The following MICAL2 variants were observed in gnomAD, a reference collection of about 807,000 sequenced individuals.
The protein encoded by MICAL2 is [F-actin]-monooxygenase MICAL2.
Under a neutral mutation model 127.3 loss-of-function variants are expected in MICAL2, and 77 were observed. That is an observed-to-expected ratio of 0.60 (90% CI 0.50 to 0.73). The LOEUF is 0.73. MICAL2 is among the 30% of genes least tolerant of loss of function. MICAL2 has a pLI of 0.00. For synonymous variants in MICAL2, 570 were observed against 551.1 expected (o/e 1.03, Z -0.48); for missense variants, 1,351 against 1,434.4 (o/e 0.94, Z 0.94).
chr11:12,275,059 C>A (rs1049921860), upstream of MICAL2, among the ~76,000 whole-genome samples: 1 of 152,034 alleles, frequency 6.6e-6, no homozygotes, highest in African/African-American at 2.4e-5. Context: ...TGAAGGCAGA[C>A]CCACCAGGAT....
intron 2 of MICAL2, among the ~76,000 whole-genome samples, chr11:12,155,017 G>A (rs748902739): frequency 6.6e-6 from 1 of 152,160 alleles, no homozygotes; most frequent in Non-Finnish European, 1.5e-5. Flanking sequence ...TATCAAACAA[G>A]GGTGGTGAAA....
At chr11:12,222,573 G>A (rs772030720) in intron 10 of MICAL2, 44 bp from the exon 11 acceptor site, 2 of 1,613,354 alleles carry the variant, frequency 1.2e-6, no homozygotes, top group Non-Finnish European at 1.7e-6. Flanking sequence ...AAGGCCTGAG[G>A]TGGCAAAAGT....
At chr11:12,112,447 G>T (rs1382851833) in intron 1 of MICAL2, among the ~76,000 whole-genome samples, 3 of 151,760 alleles carry the variant, frequency 2.0e-5, no homozygotes, top group Non-Finnish European at 4.4e-5. Context: ...CATTGACCTG[G>T]CCTCACCTCT....
chr11:12,210,939 C>G (rs909202286), intron 6 of MICAL2, among the ~76,000 whole-genome samples: 2 of 152,206 alleles, frequency 1.3e-5, no homozygotes, highest in African/African-American at 4.8e-5. Flanking sequence ...GTGCGACAAC[C>G]AAATATGTCT....
At chr11:12,324,267 G>A (rs1469491514) in intron 31 of MICAL2, among the ~76,000 whole-genome samples, 2 of 152,264 alleles carry the variant, frequency 1.3e-5, no homozygotes, top group East Asian at 3.9e-4. Context: ...CTGGGTCCTG[G>A]AGAGCCCCCG....
intron 32 of MICAL2, among the ~76,000 whole-genome samples, chr11:12,333,583 A>C (rs1157042751): frequency 6.6e-6 from 1 of 152,196 alleles, no homozygotes. Context: ...AAAGAAAAAA[A>C]ATTTTGTTGT....
Position 12,220,230 on chromosome 11 carries a change from T to TC in MICAL2, c.978_979insC (p.Ala327ArgfsTer39), listed in dbSNP as rs1856659441. 1 of 1,614,040 alleles carries TC rather than the reference T, an allele frequency of 6.2e-7. No individual in the cohort carries two copies. Among genetic ancestry groups the TC allele is most frequent in the Non-Finnish European group, 8.5e-7 (1 of 1,180,040 alleles). ...ACATCGACACAGAGATGCTGCTGTG[T>TC]GCGGAGAACGTGAACCAAGACAACC... On this transcript the variant is annotated frameshift_variant, in exon 9 of 28. Transcript: ENST00000683283. LOFTEE classifies it high-confidence loss of function.
chr11:12,117,982 G>T (rs959388034), intron 1 of MICAL2, among the ~76,000 whole-genome samples: 1 of 152,200 alleles, frequency 6.6e-6, no homozygotes, highest in Non-Finnish European at 1.5e-5. Flanking sequence ...GGGGACCATG[G>T]GGTCCATGTC....
chr11:12,141,810 TA>T (rs1256644292), intron 2 of MICAL2, among the ~76,000 whole-genome samples: 2 of 151,978 alleles, frequency 1.3e-5, no homozygotes, highest in Non-Finnish European at 2.9e-5. Context: ...TTTGGAGAAA[TA>T]AAGGGAATAG....
intron 2 of MICAL2, among the ~76,000 whole-genome samples, chr11:12,142,324 G>A (rs575608246): frequency 1.3e-5 from 2 of 152,196 alleles, no homozygotes; most frequent in African/African-American, 2.4e-5. Flanking sequence ...TTGAGTTGCC[G>A]TTATTCTGTT....
In MICAL2 at chr11:12,255,249, G is replaced by T. The variant is rs112290728; in HGVS notation, c.2848-394G>T. 1,570 of 212,612 alleles carry T rather than the reference G, an allele frequency of 7.4e-3. 21 individuals are homozygous for T. Among genetic ancestry groups the T allele is most frequent in the African/African-American group, 0.033 (1,466 of 44,412 alleles). 13.2% of individuals were successfully genotyped at this position (212,612 alleles called of 1,614,324 possible). On this transcript the variant is annotated intron_variant, in intron 22 of 27. Coordinates refer to ENST00000683283, the MANE Select transcript of MICAL2 (RefSeq NM_001282663.2). ...AACCATTTTTTAAGGGTACGGTTTA[G>T]TGGTATTAAATACATCCTTCGTGTG...
chr11:12,277,192 A>G (rs1166125454), intron 1 of MICAL2, among the ~76,000 whole-genome samples: 2 of 152,122 alleles, frequency 1.3e-5, no homozygotes, highest in African/African-American at 4.8e-5. Context: ...AGCTGGGGTG[A>G]CAGAGGGCTA....
At chr11:12,273,092 G>A (rs550029040), upstream of MICAL2, among the ~76,000 whole-genome samples, 2 of 152,204 alleles carry the variant, frequency 1.3e-5, no homozygotes, top group South Asian at 2.1e-4. Context: ...AAGGTCATGC[G>A]CAACAGTGTC....
chr11:12,210,263 C>T (rs988645350), intron 6 of MICAL2, among the ~76,000 whole-genome samples: 18 of 152,188 alleles, frequency 1.2e-4, no homozygotes, highest in African/African-American at 2.4e-5. Context: ...GTCCCCTCCA[C>T]CTCAACACCA....
chr11:12,248,740 G>A (rs1005546933), intron 21 of MICAL2, among the ~76,000 whole-genome samples: 15 of 23,330 alleles, frequency 6.4e-4, no homozygotes, highest in African/African-American at 1.9e-3. Context: ...GGGGCATCCC[G>A]CCTTTGTTTG....
downstream of MICAL2, chr11:12,292,151 C>A (rs1259697951): frequency 1.9e-6 from 3 of 1,613,634 alleles, no homozygotes; most frequent in East Asian, 4.5e-5. Flanking sequence ...AGGTTTGACG[C>A]CAGTGAACAA....
intron 32 of MICAL2, among the ~76,000 whole-genome samples, chr11:12,333,546 G>A (rs1938688234): frequency 6.6e-6 from 1 of 152,124 alleles, no homozygotes; most frequent in Non-Finnish European, 1.5e-5. Flanking sequence ...GTAAGACAAG[G>A]CAGAGAAAGG....
chr11:12,154,546 A>G (rs1853955585), intron 2 of MICAL2, among the ~76,000 whole-genome samples: 1 of 152,240 alleles, frequency 6.6e-6, no homozygotes, highest in African/African-American at 2.4e-5. Flanking sequence ...CACACATATC[A>G]CCACTGTTCA....
chr11:12,215,233 C>T (rs1021882391), intron 7 of MICAL2, among the ~76,000 whole-genome samples: 3 of 152,186 alleles, frequency 2.0e-5, no homozygotes, highest in Non-Finnish European at 2.9e-5. Flanking sequence ...TTGTCACCTT[C>T]GGCCATCGTT....
Sources: allele counts gnomAD v4.1 joint callset (sites outside exome capture counted in the v4.1 genomes callset), GRCh38; gene constraint gnomAD v4.1.1; transcripts MANE v1.5; gene names NCBI Gene and HGNC (gene_info 2026-07-23, HGNC 2026-07-21).